LRIG1: variants seen among roughly 807,000 people sequenced by gnomAD.
LRIG1 encodes the protein leucine-rich repeats and immunoglobulin-like domains protein 1.
LRIG1 carries 48 observed loss-of-function variants against 99.2 expected under a neutral mutation model. That is an observed-to-expected ratio of 0.48 (90% CI 0.38 to 0.62). The LOEUF (loss-of-function observed/expected upper bound fraction) is 0.62. Among genes scored for constraint, LRIG1 ranks in the 20% least tolerant of loss-of-function variants. The pLI, the probability that LRIG1 is intolerant of heterozygous loss-of-function variation, is 0.00. For missense variants in LRIG1, 1,646 were observed against 1,434.4 expected (o/e 1.15, Z -2.38); for synonymous variants, 772 against 596.1 (o/e 1.29, Z -4.30).
chr3:66,439,621 T>C (rs978552273), intron 3 of LRIG1, among the ~76,000 whole-genome samples: 7 of 152,158 alleles, frequency 4.6e-5, no homozygotes, highest in Non-Finnish European at 1.0e-4. Context: ...AAAAAGGTGT[T>C]TAAGGAGCTT....
chr3:66,391,006 GT>G (rs1403476853), intron 12 of LRIG1, among the ~76,000 whole-genome samples: 2 of 143,662 alleles, frequency 1.4e-5, no homozygotes, highest in Admixed American at 7.0e-5. Context: ...TTAAATAGCT[GT>G]TTTTCCAAAG....
Position 66,443,025 on chromosome 3 carries a change from T to C in LRIG1, c.365+8534A>G, listed in dbSNP as rs78853916. 6.5e-3 allele frequency among the ~76,000 whole-genome samples: 983 copies of C among 152,182 alleles called. 11 individuals are homozygous for C. Among genetic ancestry groups the C allele is most frequent in the African/African-American group, 0.022 (903 of 41,522 alleles). Reference sequence around the variant, plus strand: ...AAATGACAAGTCATGACTGTGTAATTTGGCAGGCTGGCTGCGGAGGCCACA... The same window carrying C: ...AAATGACAAGTCATGACTGTGTAATCTGGCAGGCTGGCTGCGGAGGCCACA... On this transcript the variant is annotated intron_variant, in intron 3 of 18. Coordinates refer to ENST00000273261, the MANE Select transcript of LRIG1 (RefSeq NM_015541.3).
At chr3:66,445,133 A>C (rs148449238) in intron 3 of LRIG1, among the ~76,000 whole-genome samples, 1 of 151,968 alleles carries the variant, frequency 6.6e-6, no homozygotes, top group African/African-American at 2.4e-5. Context: ...TTTTCTTCCT[A>C]AAGTAGCTGG....
intron 1 of LRIG1, chr3:66,498,039 AAAG>A (rs1701268341): frequency 6.6e-6 from 1 of 152,252 alleles, no homozygotes; most frequent in East Asian, 1.9e-4. Flanking sequence ...GTCTAGAAAA[AAAG>A]AACACATTTG....
intron 2 of LRIG1, among the ~76,000 whole-genome samples, chr3:66,453,048 G>A (rs1397623646): frequency 6.6e-6 from 1 of 152,120 alleles, no homozygotes; most frequent in Non-Finnish European, 1.5e-5. Context: ...CTCCAACCCT[G>A]CTGTGATCCA....
rs1010036782 is a variant in LRIG1 at position 66,387,132 on chromosome 3, G to A, written c.1469-831C>T. 3 of 150,380 alleles carry A rather than the reference G, an allele frequency of 2.0e-5. No homozygotes were observed. The Admixed American group carries it at 2.0e-4, about 10-fold the overall frequency. 9.3% of individuals were successfully genotyped at this position (150,380 alleles called of 1,614,324 possible). A position where few individuals can be genotyped will look rare whatever the true frequency, so the allele number is the denominator to read the frequency against. ...GGGCACATGACTACAACAATCAGTA[G>A]CCACTGTTCAACAGCGCAGCTGTCT... On this transcript the variant is annotated intron_variant, in intron 12 of 18. Transcript: ENST00000273261.
At chr3:66,382,198 A>C in intron 16 of LRIG1, 75 bp downstream of exon 16, 2 of 1,575,084 alleles carry the variant, frequency 1.3e-6, no homozygotes, top group Non-Finnish European at 1.7e-6. Flanking sequence ...TGCCCTGTAA[A>C]GACCTGGAGG....
At chr3:66,441,562 A>C (rs1703540129) in intron 3 of LRIG1, among the ~76,000 whole-genome samples, 1 of 152,198 alleles carries the variant, frequency 6.6e-6, no homozygotes, top group Non-Finnish European at 1.5e-5. Flanking sequence ...AAGCAAGTTC[A>C]CCTCGGGTCA....
intron 3 of LRIG1, among the ~76,000 whole-genome samples, chr3:66,436,161 G>A (rs575049651): frequency 1.3e-5 from 2 of 152,306 alleles, no homozygotes; most frequent in South Asian, 2.1e-4. Flanking sequence ...CTGGCATCAG[G>A]GGTTGTCATC....
intron 1 of LRIG1, among the ~76,000 whole-genome samples, chr3:66,493,422 A>G (rs1480933670): frequency 6.6e-6 from 1 of 152,206 alleles, no homozygotes; most frequent in African/African-American, 2.4e-5. Flanking sequence ...ATCTGTTGCA[A>G]CTGTTCATAG....
Position 66,383,021 on chromosome 3 carries a change from T to C in LRIG1, c.2452A>G (p.Thr818Ala). 6.2e-7 allele frequency: 1 copy of C among 1,614,088 alleles called. No homozygotes were observed. The highest frequency in any genetic ancestry group is 8.5e-7 in the Non-Finnish European group (1 of 1,179,954). Residue 818 changes from threonine (T) to alanine (A), a missense_variant, in exon 15 of 19, where the codon ACC becomes GCC. By Grantham distance (58) the Thr-to-Ala change is moderately conservative. Transcript: ENST00000273261. Reference protein sequence around the residue: ...SLVWVCIIYQTRKKSEEYSVT... With the variant: ...SLVWVCIIYQARKKSEEYSVT... ...CTGTACTCTTCACTCTTCTTCCTGG[T>C]CTGGTAGATGATGCACACCCAGACC... is the stretch of plus-strand genomic sequence containing the variant.
At chr3:66,468,582 T>C (rs1023973233) in intron 1 of LRIG1, among the ~76,000 whole-genome samples, 1 of 152,170 alleles carries the variant, frequency 6.6e-6, no homozygotes, top group African/African-American at 2.4e-5. Flanking sequence ...GGAAAGTAAG[T>C]GTGAGGCAAT....
chr3:66,451,615 C>T lies in LRIG1; in HGVS notation c.309G>A (p.Glu103=). The change falls in exon 3 of 19, where the codon GAG becomes GAA. Residue 103 remains glutamate, a synonymous_variant. Transcript: ENST00000273261. ...CGCCCAGGGATGGTACCGCTGTCAA[C>T]TCATTATTATTGAGGTACCTGTAAC... ...NLQEVYLNNN[E]LTAVPSLGAA... 1 of 1,613,900 alleles carries T rather than the reference C, an allele frequency of 6.2e-7. No individual in the cohort carries two copies. The highest frequency in any genetic ancestry group is 1.1e-5 in the South Asian group (1 of 91,064).
In LRIG1 at chr3:66,379,509, G is replaced by A. The variant is rs909064242; in HGVS notation, c.*754C>T. ...TTGCTTTTATCATAAAATAAGAGGA[G>A]GAGGAAAGGCAGTGTTTAACTGTTC... On this transcript the variant is annotated 3_prime_UTR_variant, in exon 19 of 19. Transcript: ENST00000273261. 1 of 152,164 alleles carries A rather than the reference G, an allele frequency of 6.6e-6. No individual in the cohort carries two copies. The highest frequency in any genetic ancestry group is 1.5e-5 in the Non-Finnish European group (1 of 68,048). The allele number at this position is 152,164 out of a possible 1,614,324, so 9.4% of individuals were successfully genotyped here.
chr3:66,458,280 T>G (rs969385709), intron 2 of LRIG1, among the ~76,000 whole-genome samples: 2 of 152,168 alleles, frequency 1.3e-5, no homozygotes, highest in African/African-American at 4.8e-5. Context: ...TATGTCCAGC[T>G]AATTTTTTGT....
At chr3:66,419,398 C>T (rs969890487) in intron 3 of LRIG1, among the ~76,000 whole-genome samples, 11 of 152,172 alleles carry the variant, frequency 7.2e-5, no homozygotes, top group South Asian at 4.1e-4. Flanking sequence ...CTCTTTCACC[C>T]GCTGGGAAAG....
chr3:66,408,945 T>TGTGTGC (rs1553715404), intron 7 of LRIG1, among the ~76,000 whole-genome samples: 11 of 105,918 alleles, frequency 1.0e-4, no homozygotes, highest in African/African-American at 4.2e-4. Context: ...TGTGTGTGTG[T>TGTGTGC]GTGTGTGTGT....
chr3:66,432,376 A>G (rs980219322), intron 3 of LRIG1, among the ~76,000 whole-genome samples: 1 of 152,202 alleles, frequency 6.6e-6, no homozygotes, highest in Non-Finnish European at 1.5e-5. Context: ...CTTGCCCTTG[A>G]TGCTTAGCTA....
chr3:66,458,646 G>A (rs1339373156), intron 2 of LRIG1, among the ~76,000 whole-genome samples: 1 of 152,106 alleles, frequency 6.6e-6, no homozygotes, highest in Non-Finnish European at 1.5e-5. Context: ...AGGCTGCAAT[G>A]AGCTGAGGTC....
Sources: allele counts gnomAD v4.1 joint callset (sites outside exome capture counted in the v4.1 genomes callset), GRCh38; gene constraint gnomAD v4.1.1; transcripts MANE v1.5; gene names NCBI Gene and HGNC (gene_info 2026-07-23, HGNC 2026-07-21).